Variants in ZNF680 observed in about 807,000 individuals in gnomAD.
ZNF680 encodes hypothetical protein FLJ90430.
ZNF680 carries 6 observed loss-of-function variants against 12.1 expected under a neutral mutation model. That is an observed-to-expected ratio of 0.49 (90% CI 0.27 to 0.98). The LOEUF is 0.98. Among genes scored for constraint, ZNF680 ranks in the 50% least tolerant of loss-of-function variants. The pLI is 0.12. For missense variants in ZNF680, 561 were observed against 616.3 expected (o/e 0.91, Z 0.95); for synonymous variants, 170 against 199.3 (o/e 0.85, Z 1.24).
the ZNF680 span, chr7:64,501,487 A>T: frequency 2.4e-6 from 2 of 838,790 alleles, no homozygotes; most frequent in Non-Finnish European, 4.1e-6. Context: ...GAACAGAGCA[A>T]ACAAGCAGTA....
chr7:64,518,648 T>C (rs1791403110), downstream of ZNF680, among the ~76,000 whole-genome samples: 1 of 151,912 alleles, frequency 6.6e-6, no homozygotes, highest in Admixed American at 6.6e-5. Flanking sequence ...AATAGGCATA[T>C]AGACCAATGG....
chr7:64,505,521 C>G, the ZNF680 span, among the ~76,000 whole-genome samples: 1 of 152,114 alleles, frequency 6.6e-6, no homozygotes, highest in Non-Finnish European at 1.5e-5. Context: ...TAGTGTAAAA[C>G]TGGGCTACCA....
At chr7:64,549,500 T>G (rs941140248) in intron 1 of ZNF680, among the ~76,000 whole-genome samples, 4 of 152,198 alleles carry the variant, frequency 2.6e-5, no homozygotes, top group Non-Finnish European at 4.4e-5. Flanking sequence ...CTGTACATTC[T>G]CAATCCTAAG....
rs1022764059 is a variant in ZNF680, at chr7:64,563,049, G to C, written c.-95C>G. On this transcript the variant is annotated 5_prime_UTR_variant, in exon 1 of 4. Coordinates refer to ENST00000309683, the MANE Select transcript of ZNF680 (RefSeq NM_178558.5). ...CACAGAGCAGTAAAGACTAGACCTG[G>C]AGCTCCCGCAGCAGCTAGAGACAAA... The C allele has an allele frequency of 1.6e-5, 24 of 1,456,274 alleles. No homozygotes were observed. Among genetic ancestry groups the C allele is most frequent in the Non-Finnish European group, 2.0e-5 (21 of 1,046,440 alleles). The allele number at this position is 1,456,274 out of a possible 1,614,324, so 90.2% of individuals were successfully genotyped here.
chr7:64,541,998 A>C (rs1440748445), intron 3 of ZNF680, among the ~76,000 whole-genome samples: 1 of 152,344 alleles, frequency 6.6e-6, no homozygotes, highest in East Asian at 1.9e-4. Context: ...ATTCTGATAT[A>C]AGGCCCACCA....
intron 3 of ZNF680, among the ~76,000 whole-genome samples, chr7:64,539,372 A>AAAAAAAAAAAAAAAAAAAAAAT (rs1786371294): frequency 1.7e-5 from 1 of 57,384 alleles, no homozygotes; most frequent in Non-Finnish European, 3.4e-5. Flanking sequence ...AAAAAAAAAA[A>AAAAAAAAAAAAAAAAAAAAAAT]AAAGAAAAGA....
At chr7:64,512,763 C>CT in the ZNF680 span, among the ~76,000 whole-genome samples, 13 of 149,470 alleles carry the variant, frequency 8.7e-5, no homozygotes, top group South Asian at 1.5e-3. Context: ...ACTACTAAAT[C>CT]TTTTTTTTTT....
the ZNF680 span, among the ~76,000 whole-genome samples, chr7:64,511,916 G>A: frequency 6.1e-4 from 92 of 151,528 alleles, no homozygotes; most frequent in Middle Eastern, 3.4e-3. Context: ...AAAATTAGCC[G>A]GGCATGGTGG....
the ZNF680 span, among the ~76,000 whole-genome samples, chr7:64,514,751 T>C: frequency 0.23 from 34,355 of 152,122 alleles, 4,076 homozygotes; most frequent in South Asian, 0.28. Context: ...GCTTAAACCA[T>C]TGCTAATCTT....
intron 3 of ZNF680, chr7:64,525,865 CT>C: frequency 1.0e-6 from 1 of 984,988 alleles, no homozygotes; most frequent in South Asian, 4.7e-5. Flanking sequence ...TGCAACAAAC[CT>C]ATACCAGAAA....
chr7:64,526,533 C>A, intron 3 of ZNF680: 1 of 537,400 alleles, frequency 1.9e-6, no homozygotes, highest in Non-Finnish European at 3.1e-6. Context: ...TATAAACAAA[C>A]AGAAATGCTA....
At chr7:64,505,825 C>G in the ZNF680 span, among the ~76,000 whole-genome samples, 1 of 151,474 alleles carries the variant, frequency 6.6e-6, no homozygotes, top group African/African-American at 2.4e-5. Context: ...ACTGGAAGCA[C>G]CATGTGGGAG....
the ZNF680 span, among the ~76,000 whole-genome samples, chr7:64,502,481 T>A: frequency 6.6e-6 from 1 of 152,182 alleles, no homozygotes; most frequent in African/African-American, 2.4e-5. Context: ...CACCCCCACA[T>A]AGGTGTGATT....
intron 3 of ZNF680, among the ~76,000 whole-genome samples, chr7:64,527,056 G>A (rs1287216368): frequency 6.6e-6 from 1 of 152,156 alleles, no homozygotes; most frequent in Non-Finnish European, 1.5e-5. Flanking sequence ...TGGCCAACAT[G>A]GCGAAACCCC....
Position 64,536,212 on chromosome 7 carries a change from T to G in ZNF680, c.253+7495A>C, listed in dbSNP as rs10228601. Among the ~76,000 whole-genome samples the G allele has an allele frequency of 3.0e-3, 450 of 152,326 alleles. 7 individuals are homozygous for G. Among genetic ancestry groups the G allele is most frequent in the African/African-American group, 1.0e-2 (415 of 41,574 alleles). Reference sequence around the variant, plus strand: ...ATAATAAAAAATTAAGAGAAAAGATTAATAAGAAAACAGAAAACTTAGACA... The same window carrying G: ...ATAATAAAAAATTAAGAGAAAAGATGAATAAGAAAACAGAAAACTTAGACA... On this transcript the variant is annotated intron_variant, in intron 3 of 3. Coordinates refer to ENST00000309683, the MANE Select transcript of ZNF680 (RefSeq NM_178558.5).
chr7:64,553,052 G>A lies in ZNF680; in HGVS notation c.31-8620C>T, dbSNP rs530628885. On this transcript the variant is annotated intron_variant, in intron 1 of 3. Coordinates refer to ENST00000309683, the MANE Select transcript of ZNF680 (RefSeq NM_178558.5). ...GAGGCAGGAGAATTGCTTGAACCTG[G>A]GAAATGGAGTTGCAGTGAGCTGAGA... is the stretch of plus-strand genomic sequence containing the variant. Among the ~76,000 whole-genome samples, 9 of 151,748 alleles carry A rather than the reference G, an allele frequency of 5.9e-5. No individual in the cohort carries two copies. The South Asian group carries it at 1.9e-3, about 32-fold the overall frequency.
rs879344362 is a variant in ZNF680, at chr7:64,542,500, TA to T, written c.253+1206del. On this transcript the variant is annotated intron_variant, in intron 3 of 3. Coordinates refer to ENST00000309683, the MANE Select transcript of ZNF680 (RefSeq NM_178558.5). ...ACAGTACACTAAAACCTGTTTAAAT[TA>T]ATAAATACATTCAGTAAATTAGCAA... Among the ~76,000 whole-genome samples, 55 of 152,308 alleles carry T rather than the reference TA, an allele frequency of 3.6e-4. No individual in the cohort carries two copies. In the Middle Eastern group the frequency reaches 0.01, roughly 28 times the overall value.
At chr7:64,544,921 T>C (rs1050497810) in intron 1 of ZNF680, among the ~76,000 whole-genome samples, 3 of 152,146 alleles carry the variant, frequency 2.0e-5, no homozygotes, top group Non-Finnish European at 4.4e-5. Flanking sequence ...ATGCCAATGT[T>C]TTTGGCCCAA....
chr7:64,505,075 T>C, the ZNF680 span, among the ~76,000 whole-genome samples: 1 of 152,204 alleles, frequency 6.6e-6, no homozygotes, highest in Non-Finnish European at 1.5e-5. Context: ...TGAAAATCCT[T>C]TAGCCAGAAT....
Sources: gnomAD v4.1 joint callset for allele counts (sites outside exome capture counted in the v4.1 genomes callset) on GRCh38, gnomAD v4.1.1 for gene constraint, MANE v1.5 for transcripts, NCBI Gene and HGNC (gene_info 2026-07-23, HGNC 2026-07-21) for gene names.